The following DNAJC24 variants were observed in gnomAD, a reference collection of about 807,000 sequenced individuals.
DNAJC24 encodes dnaJ homolog subfamily C member 24.
Under a neutral mutation model 18.0 loss-of-function variants are expected in DNAJC24, and 17 were observed. That is an observed-to-expected ratio of 0.94 (90% CI 0.65 to 1.42). The LOEUF (loss-of-function observed/expected upper bound fraction) is 1.42, where lower values mean the gene tolerates loss of function less well. DNAJC24 is among the 40% of genes most tolerant of loss of function. The probability of loss-of-function intolerance (pLI) is 0.00; values close to 1 mark genes in which losing one functional copy is unlikely to be tolerated. For missense variants in DNAJC24, 158 were observed against 175.6 expected (o/e 0.90, Z 0.57); for synonymous variants, 55 against 57.7 (o/e 0.95, Z 0.21).
At chr11:31,377,475 T>C (rs1308949230) in intron 2 of DNAJC24, among the ~76,000 whole-genome samples, 1 of 152,148 alleles carries the variant, frequency 6.6e-6, no homozygotes, top group African/African-American at 2.4e-5. Context: ...TAGTTTACTA[T>C]ATAAAAAATA....
Position 31,399,746 on chromosome 11 carries a change from T to C in DNAJC24, c.112-15065T>C, listed in dbSNP as rs1216792332. ...TTTTTTTAACTGTTTTTTCTTTTTTTTTTTTTTTTTTTTTTACTTCAAGCT... is the reference window on the plus strand; with the variant it reads ...TTTTTTTAACTGTTTTTTCTTTTTTCTTTTTTTTTTTTTTTACTTCAAGCT... On this transcript the variant is annotated intron_variant, in intron 2 of 4. Coordinates refer to ENST00000465995, the MANE Select transcript of DNAJC24 (RefSeq NM_181706.5). Among the ~76,000 whole-genome samples the C allele has an allele frequency of 2.1e-3, 316 of 147,094 alleles. 2 individuals are homozygous for C. Among genetic ancestry groups the C allele is most frequent in the African/African-American group, 6.3e-3 (255 of 40,378 alleles).
Position 31,432,344 on chromosome 11 carries a change from C to A in DNAJC24, c.*1943C>A. 1 of 545,476 alleles carries A rather than the reference C, an allele frequency of 1.8e-6. No homozygotes were observed. Among genetic ancestry groups the A allele is most frequent in the South Asian group, 3.2e-5 (1 of 31,258 alleles). 33.8% of individuals were successfully genotyped at this position (545,476 alleles called of 1,614,324 possible). On this transcript the variant is annotated 3_prime_UTR_variant, in exon 5 of 5. Transcript: ENST00000465995. Reference sequence around the variant, plus strand: ...ATCCATATATTTTGAACTAACAGAACTTGGCAGAATGTGTGTTGAATATTC... The same window carrying A: ...ATCCATATATTTTGAACTAACAGAAATTGGCAGAATGTGTGTTGAATATTC...
At chr11:31,386,058 A>G (rs1952427328) in intron 2 of DNAJC24, among the ~76,000 whole-genome samples, 1 of 152,190 alleles carries the variant, frequency 6.6e-6, no homozygotes, top group South Asian at 2.1e-4. Context: ...GATCAGCCCT[A>G]GACAGAGGCA....
chr11:31,404,111 C>T (rs935368396), intron 2 of DNAJC24, among the ~76,000 whole-genome samples: 8 of 152,126 alleles, frequency 5.3e-5, no homozygotes, highest in East Asian at 1.9e-4. Flanking sequence ...AGGTCACTCT[C>T]GTGGCCATCT....
intron 2 of DNAJC24, among the ~76,000 whole-genome samples, chr11:31,412,735 G>T (rs1171618767): frequency 1.3e-5 from 2 of 152,130 alleles, no homozygotes; most frequent in African/African-American, 4.8e-5. Context: ...CATAGGAAGG[G>T]AGGTAGTTTG....
chr11:31,393,135 G>A (rs975032608), intron 2 of DNAJC24, among the ~76,000 whole-genome samples: 1 of 152,132 alleles, frequency 6.6e-6, no homozygotes, highest in Non-Finnish European at 1.5e-5. Context: ...TTCTATGCCC[G>A]AATACAGCAG....
chr11:31,379,248 C>A (rs1454810102), intron 2 of DNAJC24, among the ~76,000 whole-genome samples: 2 of 152,164 alleles, frequency 1.3e-5, no homozygotes, highest in African/African-American at 4.8e-5. Flanking sequence ...GCTCTGCATC[C>A]TGTCAGATCC....
chr11:31,413,689 A>G lies in DNAJC24; in HGVS notation c.112-1122A>G, dbSNP rs1034757840. On this transcript the variant is annotated intron_variant, in intron 2 of 4. Transcript: ENST00000465995. The stretch of plus-strand genomic sequence containing the variant: ...TCATGGTGAGCTTCTCCACACTGCT[A>G]AGGATCCTCTCTAGCACAGCAAATA... Among the ~76,000 whole-genome samples, 4 of 152,118 alleles carry G rather than the reference A, an allele frequency of 2.6e-5. No homozygotes were observed. The South Asian group carries it at 6.2e-4, about 24-fold the overall frequency.
intron 3 of DNAJC24, chr11:31,416,681 G>A (rs1952754072): frequency 6.6e-6 from 1 of 152,104 alleles, no homozygotes; most frequent in Admixed American, 6.6e-5. Flanking sequence ...TCTCTAAAGA[G>A]GTAGGGAGGG....
chr11:31,417,615 A>T (rs905589758), intron 3 of DNAJC24, among the ~76,000 whole-genome samples: 52 of 152,172 alleles, frequency 3.4e-4, no homozygotes, highest in African/African-American at 9.4e-4. Context: ...ATGTGGTGAT[A>T]ATTCATTGTA....
In DNAJC24 at chr11:31,405,447, T is replaced by G. The variant is rs143622613; in HGVS notation, c.112-9364T>G. The stretch of plus-strand genomic sequence containing the variant: ...CTCATAGCTACTGTCTTAGTCCATT[T>G]CATGCTGCTATATCAGAATACCACA... On this transcript the variant is annotated intron_variant, in intron 2 of 4. Transcript: ENST00000465995. 4.6e-3 allele frequency among the ~76,000 whole-genome samples: 695 copies of G among 151,968 alleles called. 38 individuals are homozygous for G. In the South Asian group the frequency reaches 0.13, roughly 28 times the overall value.
At chr11:31,408,313 T>C (rs2133492520) in intron 2 of DNAJC24, 1 of 403,356 alleles carries the variant, frequency 2.5e-6, no homozygotes, top group South Asian at 1.9e-5. Flanking sequence ...TCTGGAGTCC[T>C]CCCTCTGAAG....
chr11:31,418,479 T>G (rs1008426123), intron 3 of DNAJC24, among the ~76,000 whole-genome samples: 1 of 152,120 alleles, frequency 6.6e-6, no homozygotes, highest in African/African-American at 2.4e-5. Context: ...CTCTGATGTC[T>G]TAGTGGCTCT....
intron 3 of DNAJC24, among the ~76,000 whole-genome samples, chr11:31,425,191 A>G (rs1952849706): frequency 6.6e-6 from 1 of 152,152 alleles, no homozygotes; most frequent in East Asian, 1.9e-4. Context: ...AAAACTTTGG[A>G]CCAGGAAACA....
chr11:31,404,635 G>C (rs980755656), intron 2 of DNAJC24, among the ~76,000 whole-genome samples: 3 of 152,096 alleles, frequency 2.0e-5, no homozygotes, highest in Non-Finnish European at 2.9e-5. Context: ...CTGAAGAAAT[G>C]AGTTTTTATT....
intron 2 of DNAJC24, among the ~76,000 whole-genome samples, chr11:31,397,010 C>T (rs1952548770): frequency 6.6e-6 from 1 of 152,212 alleles, no homozygotes; most frequent in African/African-American, 2.4e-5. Flanking sequence ...CAACTCTATG[C>T]ATCCTTCAAA....
intron 2 of DNAJC24, among the ~76,000 whole-genome samples, chr11:31,373,117 C>T (rs1337772556): frequency 7.5e-6 from 1 of 133,948 alleles, no homozygotes; most frequent in African/African-American, 2.5e-5. Context: ...TATATATTTT[C>T]TCCTAGTCTG....
At chr11:31,398,838 G>A (rs943914702) in intron 2 of DNAJC24, among the ~76,000 whole-genome samples, 2 of 152,288 alleles carry the variant, frequency 1.3e-5, no homozygotes, top group Admixed American at 1.3e-4. Flanking sequence ...ATCTGTATGT[G>A]TACATCGCCA....
At chr11:31,390,445 T>A (rs1336872456) in intron 2 of DNAJC24, among the ~76,000 whole-genome samples, 1 of 145,772 alleles carries the variant, frequency 6.9e-6, no homozygotes, top group Non-Finnish European at 1.5e-5. Flanking sequence ...CGGTGGCTCA[T>A]GCCTGTAATC....
Sources: allele counts gnomAD v4.1 joint callset (sites outside exome capture counted in the v4.1 genomes callset), GRCh38; gene constraint gnomAD v4.1.1; transcripts MANE v1.5; gene names NCBI Gene and HGNC (gene_info 2026-07-23, HGNC 2026-07-21).